Variants in KCNH5 observed in about 807,000 individuals in gnomAD.
KCNH5 encodes voltage-gated delayed rectifier potassium channel KCNH5.
Under a neutral mutation model 96.1 loss-of-function variants are expected in KCNH5, and 46 were observed. That is an observed-to-expected ratio of 0.48 (90% CI 0.38 to 0.61). The LOEUF is 0.61. KCNH5 is among the 20% of genes least tolerant of loss of function. The probability of loss-of-function intolerance (pLI) is 0.00; values close to 1 mark genes in which losing one functional copy is unlikely to be tolerated. For synonymous variants in KCNH5, 439 were observed against 449.8 expected, an observed-to-expected ratio of 0.98 and a Z score of 0.30; for missense variants, 907 against 1,225.8, an observed-to-expected ratio of 0.74 and a Z score of 3.88.
intron 7 of KCNH5, among the ~76,000 whole-genome samples, chr14:62,895,487 C>T (rs777879278): frequency 1.4e-4 from 22 of 152,104 alleles, no homozygotes; most frequent in Admixed American, 3.9e-4. Flanking sequence ...TGCGCCACCA[C>T]ACCCAGCTAA....
chr14:62,776,412 T>C (rs888753252), intron 10 of KCNH5, among the ~76,000 whole-genome samples: 9 of 152,098 alleles, frequency 5.9e-5, no homozygotes, highest in Non-Finnish European at 1.2e-4. Context: ...GCTGGATATT[T>C]GCAAGCCAGG....
chr14:62,781,681 G>T (rs962113406), intron 9 of KCNH5, among the ~76,000 whole-genome samples: 1 of 152,152 alleles, frequency 6.6e-6, no homozygotes. Flanking sequence ...CTGTTCCGCC[G>T]GGCTCACCGG....
At chr14:63,009,321 A>C (rs1217344174) in intron 2 of KCNH5, among the ~76,000 whole-genome samples, 1 of 152,230 alleles carries the variant, frequency 6.6e-6, no homozygotes, top group Non-Finnish European at 1.5e-5. Context: ...TCTGAAGAGA[A>C]GATAAAAACA....
intron 7 of KCNH5, among the ~76,000 whole-genome samples, chr14:62,945,789 A>C (rs917383905): frequency 6.6e-6 from 1 of 152,088 alleles, no homozygotes; most frequent in Non-Finnish European, 1.5e-5. Context: ...ATGGGAAAGC[A>C]AGTACAAAGA....
intron 10 of KCNH5, 53 bp from the exon 11 acceptor site, chr14:62,708,508 C>G: frequency 8.7e-7 from 1 of 1,143,606 alleles, no homozygotes; most frequent in Non-Finnish European, 1.3e-6. Context: ...GATGGATTAA[C>G]AGTTGTATAA....
In KCNH5 at chr14:62,981,126, T is replaced by A. The variant is rs1481617657; in HGVS notation, c.688A>T (p.Ile230Phe). The A allele has an allele frequency of 6.2e-7, 1 of 1,614,074 alleles. No individual in the cohort carries two copies. Residue 230 changes from isoleucine (I) to phenylalanine (F), a missense_variant, in exon 6 of 11, where the codon ATT becomes TTT. Ile to Phe is a conservative substitution (Grantham distance 21, BLOSUM62 0). Around this residue, in one of 6 missense-constraint regions of KCNH5, gnomAD observed 370 missense variants for 561.3 expected, o/e 0.66. Coordinates refer to ENST00000322893, the MANE Select transcript of KCNH5 (RefSeq NM_139318.5). ...AAGGAAACATTATAAGGAACCATAA[T>A]GGCGGTGTAGAAGGTAAGAATTAAA... Reference protein sequence around the residue: ...VILILTFYTAIMVPYNVSFKT... With the variant: ...VILILTFYTAFMVPYNVSFKT...
chr14:62,731,151 AT>A (rs1269732139), intron 10 of KCNH5, among the ~76,000 whole-genome samples: 1 of 151,902 alleles, frequency 6.6e-6, no homozygotes, highest in Non-Finnish European at 1.5e-5. Flanking sequence ...AAATGCAAAA[AT>A]TAGCTGGGCA....
chr14:62,926,677 G>T (rs1185042322), intron 7 of KCNH5, among the ~76,000 whole-genome samples: 1 of 152,122 alleles, frequency 6.6e-6, no homozygotes, highest in East Asian at 1.9e-4. Flanking sequence ...TGGTGGAAGA[G>T]AGTCCTGTTG....
At chr14:62,857,594 G>A (rs1363606507) in intron 7 of KCNH5, among the ~76,000 whole-genome samples, 1 of 152,214 alleles carries the variant, frequency 6.6e-6, no homozygotes. Context: ...CTTGGAGTCT[G>A]ATGTTCAATG....
At chr14:62,977,331 G>A (rs1194862355) in intron 6 of KCNH5, among the ~76,000 whole-genome samples, 1 of 152,020 alleles carries the variant, frequency 6.6e-6, no homozygotes. Context: ...CTGCACTCTC[G>A]CCTGGGTGAC....
intron 10 of KCNH5, among the ~76,000 whole-genome samples, chr14:62,751,271 T>G (rs147973533): frequency 6.6e-6 from 1 of 152,098 alleles, no homozygotes; most frequent in African/African-American, 2.4e-5. Flanking sequence ...TAAAATGACA[T>G]CTATGGGCTT....
rs145033727 is a variant in KCNH5, at chr14:62,718,986, T to A, written c.2020-10531A>T. ...CACATCTTAAATGATTTCACTTACATGCAATGTCTTGAAATGGCAAACTTA... is the reference window on the plus strand; with the variant it reads ...CACATCTTAAATGATTTCACTTACAAGCAATGTCTTGAAATGGCAAACTTA... On this transcript the variant is annotated intron_variant, in intron 10 of 10. Transcript: ENST00000322893. Among the ~76,000 whole-genome samples the A allele has an allele frequency of 5.9e-3, 894 of 152,278 alleles. 5 individuals carry two copies. The highest frequency in any genetic ancestry group is 0.02 in the African/African-American group (847 of 41,546).
chr14:62,727,816 T>G (rs1023731158), intron 10 of KCNH5, among the ~76,000 whole-genome samples: 16 of 149,736 alleles, frequency 1.1e-4, no homozygotes, highest in African/African-American at 3.7e-4. Context: ...AAGCAGGTAA[T>G]TTTAACATAC....
chr14:62,939,817 G>A (rs988818471), intron 7 of KCNH5, among the ~76,000 whole-genome samples: 4 of 151,948 alleles, frequency 2.6e-5, no homozygotes, highest in African/African-American at 7.3e-5. Flanking sequence ...GTGCATGCCC[G>A]TAACCCCAGT....
At position 62,707,647 on chromosome 14, in the gene KCNH5, G is replaced by C; in HGVS notation, c.2828C>G (p.Ser943Trp). Residue 943 changes from serine (S) to tryptophan (W), a missense_variant, in exon 11 of 11, where the codon TCG becomes TGG. By Grantham distance (177) the Ser-to-Trp change is radical (BLOSUM62 -3). Around this residue, in one of 6 missense-constraint regions of KCNH5, gnomAD observed 362 missense variants for 394.4 expected, o/e 0.92. Transcript: ENST00000322893. ...TGAGGCCTGGGGTACGCTTTTTTCC[G>C]ACAGTATTTTTAAAATTTCTGCCAC... is the stretch of plus-strand genomic sequence containing the variant. Reference protein sequence around the residue: ...KQVAEILKILSEKSVPQASSP... With the variant: ...KQVAEILKILWEKSVPQASSP... The C allele has an allele frequency of 2.5e-6, 4 of 1,583,668 alleles. No individual in the cohort carries two copies. The highest frequency in any genetic ancestry group is 3.4e-6 in the Non-Finnish European group (4 of 1,161,026).
intron 8 of KCNH5, among the ~76,000 whole-genome samples, chr14:62,831,565 T>C (rs75698743): frequency 0.036 from 5,479 of 152,302 alleles, 282 homozygotes; most frequent in African/African-American, 0.11. Flanking sequence ...TTCTATTATG[T>C]TATCCATATA....
intron 10 of KCNH5, among the ~76,000 whole-genome samples, chr14:62,753,413 G>A (rs1225996666): frequency 1.3e-5 from 2 of 152,046 alleles, no homozygotes; most frequent in African/African-American, 2.4e-5. Context: ...GAGAGACAGA[G>A]GAATAGAAAA....
rs762614737 is a variant in KCNH5 at position 62,779,876 on chromosome 14, G to A, written c.1871C>T (p.Ala624Val). 6.2e-7 allele frequency: 1 copy of A among 1,613,744 alleles called. No individual in the cohort carries two copies. Among genetic ancestry groups the A allele is most frequent in the South Asian group, 1.1e-5 (1 of 91,038 alleles). Residue 624 changes from alanine (A) to valine (V), a missense_variant, in exon 10 of 11, where the codon GCC (alanine) becomes GTC (valine). By Grantham distance (64) the Ala-to-Val change is moderately conservative. Coordinates refer to ENST00000322893, the MANE Select transcript of KCNH5 (RefSeq NM_139318.5). ...GDIFWKETTL[A>V]HACANVRALT... ...TGCCCGGACGTTCGCACATGCATGG[G>A]CAAGGGTGGTTTCCTTCCAGAAGAT...
intron 6 of KCNH5, among the ~76,000 whole-genome samples, chr14:62,963,818 T>C (rs1890256772): frequency 6.6e-6 from 1 of 151,986 alleles, no homozygotes. Flanking sequence ...AGAAATTCAG[T>C]CAAGAGAGAA....
Sources: allele counts gnomAD v4.1 joint callset (sites outside exome capture counted in the v4.1 genomes callset), GRCh38; gene constraint gnomAD v4.1.1; regional missense constraint gnomAD v4.1.1; transcripts MANE v1.5; gene names NCBI Gene and HGNC (gene_info 2026-07-23, HGNC 2026-07-21).